KIF20B: variants seen among roughly 807,000 people sequenced by gnomAD.
KIF20B encodes kinesin-like protein KIF20B.
Under a neutral mutation model 232.5 loss-of-function variants are expected in KIF20B, and 188 were observed. The observed-to-expected ratio is 0.81, with a 90% CI of 0.72 to 0.91. The LOEUF (loss-of-function observed/expected upper bound fraction) is 0.91, where lower values mean the gene tolerates loss of function less well. KIF20B is among the 40% of genes least tolerant of loss of function. KIF20B has a pLI of 0.00. For missense variants in KIF20B, 2,154 were observed against 2,055.9 expected (o/e 1.05, Z -0.92); for synonymous variants, 712 against 683.0 (o/e 1.04, Z -0.66).
intron 14 of KIF20B, 67 bp from the exon 15 acceptor site, chr10:89,724,953 T>C: frequency 6.9e-7 from 1 of 1,448,130 alleles, no homozygotes; most frequent in Non-Finnish European, 9.6e-7. Flanking sequence ...TAAACTTAGA[T>C]GTTTAAAACA....
chr10:89,705,176 G>A (rs534089240), intron 1 of KIF20B, 118 bp from the exon 2 acceptor site: 14 of 792,982 alleles, frequency 1.8e-5, no homozygotes, highest in South Asian at 6.7e-5. Context: ...AATGTAATGC[G>A]TTTCTTTTCT....
chr10:89,772,044 T>C (rs1265216818), intron 31 of KIF20B, among the ~76,000 whole-genome samples: 3 of 136,524 alleles, frequency 2.2e-5, no homozygotes, highest in African/African-American at 9.1e-5. Flanking sequence ...TAAATGTTTT[T>C]TCTATTTAAA....
At chr10:89,735,083 T>C (rs1841618597) in intron 19 of KIF20B, among the ~76,000 whole-genome samples, 1 of 152,188 alleles carries the variant, frequency 6.6e-6, no homozygotes, top group Admixed American at 6.5e-5. Flanking sequence ...TGTAAATAAA[T>C]GTTTTTCAGT....
intron 29 of KIF20B, among the ~76,000 whole-genome samples, chr10:89,767,931 T>A (rs530099036): frequency 6.6e-6 from 1 of 152,176 alleles, no homozygotes; most frequent in South Asian, 2.1e-4. Flanking sequence ...GTAATTTCAT[T>A]ACTTGTGATA....
At chr10:89,723,731 CAGTG>C (rs1224289288) in intron 13 of KIF20B, 25 of 283,090 alleles carry the variant, frequency 8.8e-5, no homozygotes, top group Non-Finnish European at 1.3e-5. Context: ...TATAGCTAAA[CAGTG>C]AGACGAGTTA....
chr10:89,738,187 G>C lies in KIF20B; in HGVS notation c.3346G>C (p.Glu1116Gln). The C allele has an allele frequency of 6.2e-7, 1 of 1,605,814 alleles. No homozygotes were observed. Among genetic ancestry groups the C allele is most frequent in the Non-Finnish European group, 8.5e-7 (1 of 1,178,728 alleles). Residue 1116 changes from glutamate (E) to glutamine (Q), a missense_variant, in exon 20 of 33, where the codon GAA becomes CAA. By Grantham distance (29) the Glu-to-Gln change is conservative. Transcript: ENST00000371728. ...EHKNQDDLLK[E>Q]KETLIQQLKE... ...TAAAAACCAAGATGACCTACTAAAA[G>C]AAAAAGAAACTCTTATACAGCAGCT...
At chr10:89,731,699 C>A (rs1564664735) in intron 18 of KIF20B, among the ~76,000 whole-genome samples, 1 of 151,958 alleles carries the variant, frequency 6.6e-6, no homozygotes, top group Non-Finnish European at 1.5e-5. Context: ...TGATAGGTAC[C>A]AAGGATCGGG....
chr10:89,766,579 G>A (rs1222703304), intron 29 of KIF20B: 1 of 152,106 alleles, frequency 6.6e-6, no homozygotes, highest in Admixed American at 6.6e-5. Flanking sequence ...AAGGGTATCA[G>A]TAATACTTAT....
chr10:89,763,642 C>A (rs1388664193), intron 29 of KIF20B, among the ~76,000 whole-genome samples: 1 of 151,974 alleles, frequency 6.6e-6, no homozygotes, highest in Non-Finnish European at 1.5e-5. Flanking sequence ...AAGCTATTAA[C>A]CTCTTCTTAC....
chr10:89,710,164 G>C (rs1842807800), intron 5 of KIF20B, 99 bp downstream of exon 5: 1 of 1,000,712 alleles, frequency 1.0e-6, no homozygotes, highest in Non-Finnish European at 1.4e-6. Flanking sequence ...CTATTACCTA[G>C]TATGCGTTTG....
In KIF20B at chr10:89,737,503, A is replaced by G. The variant is rs1170724152; in HGVS notation, c.2662A>G (p.Arg888Gly). The G allele has an allele frequency of 6.2e-7, 1 of 1,610,780 alleles. No homozygotes were observed. The highest frequency in any genetic ancestry group is 1.7e-5 in the Admixed American group (1 of 59,686). The change falls in exon 20 of 33, where the codon AGA (arginine) becomes GGA (glycine). Residue 888 changes from arginine to glycine, a missense_variant. By Grantham distance (125) the Arg-to-Gly change is moderately radical. Coordinates refer to ENST00000371728, the MANE Select transcript of KIF20B (RefSeq NM_001284259.2). The part of the protein sequence containing the change: ...RVLQENNEGL[R>G]AFLLTIENEL... ...TTTACAAGAAAATAATGAAGGACTGAGAGCATTTTTACTCACTATTGAGAA... is the reference window on the plus strand; with the variant it reads ...TTTACAAGAAAATAATGAAGGACTGGGAGCATTTTTACTCACTATTGAGAA...
rs1285160504 is a variant in KIF20B at position 89,772,788 on chromosome 10, A to G, written c.5342A>G (p.Tyr1781Cys). ...CCAAAACGAGCCAAACGGAAATTAT[A>G]CACAAGTGAAATTTCATCTCCTATT... ...SQPKRAKRKL[Y>C]TSEISSPIDI... Residue 1781 changes from tyrosine (Y) to cysteine (C), a missense_variant, in exon 32 of 33, where the codon TAC (tyrosine) becomes TGC (cysteine). By Grantham distance (194) the Tyr-to-Cys change is radical (BLOSUM62 -2). Coordinates refer to ENST00000371728, the MANE Select transcript of KIF20B (RefSeq NM_001284259.2). 1 of 1,610,676 alleles carries G rather than the reference A, an allele frequency of 6.2e-7. No homozygotes were observed. The highest frequency in any genetic ancestry group is 1.3e-5 in the African/African-American group (1 of 74,902).
chr10:89,762,379 C>CT (rs1842259176), intron 28 of KIF20B, among the ~76,000 whole-genome samples: 1 of 152,104 alleles, frequency 6.6e-6, no homozygotes, highest in African/African-American at 2.4e-5. Flanking sequence ...GTCCAGGAGT[C>CT]TTTTAAACAA....
At chr10:89,727,157 C>T (rs1198576298) in intron 16 of KIF20B, among the ~76,000 whole-genome samples, 2 of 151,998 alleles carry the variant, frequency 1.3e-5, no homozygotes, top group African/African-American at 4.8e-5. Context: ...AGAAGATTCA[C>T]TGTTGGGATA....
rs755039896 is a variant in KIF20B, at chr10:89,752,704, G to A, written c.4347+13G>A. 6.6e-6 allele frequency: 10 copies of A among 1,516,020 alleles called. No individual in the cohort carries two copies. In the South Asian group the frequency reaches 9.3e-5, roughly 14 times the overall value. 93.9% of individuals were successfully genotyped at this position (1,516,020 alleles called of 1,614,324 possible). ...AGATGAGTTACAGGTATGACTTTAT[G>A]TATGTTTTTATGTATGAATGTATCT... On this transcript the variant is annotated intron_variant, in intron 25 of 32. Coordinates refer to ENST00000371728, the MANE Select transcript of KIF20B (RefSeq NM_001284259.2).
At chr10:89,753,018 G>A (rs1431157600) in intron 25 of KIF20B, among the ~76,000 whole-genome samples, 1 of 152,090 alleles carries the variant, frequency 6.6e-6, no homozygotes, top group African/African-American at 2.4e-5. Flanking sequence ...ATCAAATACT[G>A]CTGTGGAGAA....
intron 29 of KIF20B, among the ~76,000 whole-genome samples, chr10:89,765,491 C>T (rs1842339451): frequency 6.6e-6 from 1 of 152,116 alleles, no homozygotes; most frequent in Non-Finnish European, 1.5e-5. Context: ...ATGCCATCCC[C>T]ATCAAGCTAC....
intron 1 of KIF20B, among the ~76,000 whole-genome samples, chr10:89,702,073 T>C (rs1842623164): frequency 6.6e-6 from 1 of 152,196 alleles, no homozygotes; most frequent in African/African-American, 2.4e-5. Context: ...GTACTAAATG[T>C]TTGCAGTTAT....
intron 25 of KIF20B, among the ~76,000 whole-genome samples, chr10:89,753,856 G>T (rs1426364370): frequency 6.6e-6 from 1 of 152,086 alleles, no homozygotes; most frequent in Non-Finnish European, 1.5e-5. Flanking sequence ...CTGACCTCGT[G>T]ATCCGCCCAC....
Sources: gnomAD v4.1 joint callset for allele counts (sites outside exome capture counted in the v4.1 genomes callset) on GRCh38, gnomAD v4.1.1 for gene constraint, MANE v1.5 for transcripts, NCBI Gene and HGNC (gene_info 2026-07-23, HGNC 2026-07-21) for gene names.